TINAG: variants seen among roughly 807,000 people sequenced by gnomAD.
TINAG encodes tubulointerstitial nephritis antigen.
A neutral mutation model predicts 72.7 loss-of-function variants in TINAG; 83 were observed. The observed-to-expected ratio is 1.14, with a 90% CI of 0.96 to 1.37. TINAG has a LOEUF of 1.37. Ranked by LOEUF, TINAG falls within the 40% of genes most tolerant of loss-of-function variation. The pLI is 0.00. For missense variants in TINAG, 685 were observed against 576.6 expected, an observed-to-expected ratio of 1.19 and a Z score of -1.93; for synonymous variants, 234 against 189.9, an observed-to-expected ratio of 1.23 and a Z score of -1.91.
At chr6:54,348,191 G>C (rs1392128192) in intron 6 of TINAG, among the ~76,000 whole-genome samples, 1 of 152,018 alleles carries the variant, frequency 6.6e-6, no homozygotes, top group Non-Finnish European at 1.5e-5. Context: ...GTCTGCTATA[G>C]GACTAGTTAG....
At chr6:54,339,626 T>C (rs185614430) in intron 4 of TINAG, among the ~76,000 whole-genome samples, 1 of 152,226 alleles carries the variant, frequency 6.6e-6, no homozygotes, top group East Asian at 1.9e-4. Flanking sequence ...AAAAGATTAC[T>C]CTATTATAAA....
chr6:54,338,719 C>CAAAAA (rs57231980), intron 4 of TINAG, among the ~76,000 whole-genome samples: 9 of 56,952 alleles, frequency 1.6e-4, no homozygotes, highest in Admixed American at 2.1e-4. Flanking sequence ...GACTCTGTCT[C>CAAAAA]AAAAAAAAAA....
intron 4 of TINAG, among the ~76,000 whole-genome samples, chr6:54,337,856 T>A (rs1449884213): frequency 6.6e-6 from 1 of 152,180 alleles, no homozygotes. Context: ...GGGCCAGATG[T>A]TACGGTGGAG....
chr6:54,343,291 G>T lies in TINAG; in HGVS notation c.690G>T (p.Trp230Cys), dbSNP rs771178817. The change falls in exon 5 of 11, where the codon TGG becomes TGT. Residue 230 changes from tryptophan (W) to cysteine (C), a missense_variant. Coordinates refer to ENST00000259782, the MANE Select transcript of TINAG (RefSeq NM_014464.4). ...FFVASYKWPG[W>C]THGPLDQKNC... is the part of the protein sequence containing the mutation. Reference sequence around the variant, plus strand: ...TTGCTTCTTATAAATGGCCTGGATGGACTCATGGCCCATTGGATCAAAAAA... The same window carrying T: ...TTGCTTCTTATAAATGGCCTGGATGTACTCATGGCCCATTGGATCAAAAAA... 6.3e-7 allele frequency: 1 copy of T among 1,585,524 alleles called. No homozygotes were observed. Among genetic ancestry groups the T allele is most frequent in the East Asian group, 2.3e-5 (1 of 43,614 alleles).
At chr6:54,311,457 C>A (rs759546506) in intron 1 of TINAG, among the ~76,000 whole-genome samples, 20 of 152,130 alleles carry the variant, frequency 1.3e-4, no homozygotes, top group Non-Finnish European at 2.6e-4. Context: ...CTAAGTCTTG[C>A]CAGATGGCTC....
intron 8 of TINAG, 120 bp downstream of exon 8, chr6:54,351,517 A>C (rs1388044167): frequency 2.4e-6 from 2 of 843,626 alleles, no homozygotes; most frequent in Non-Finnish European, 3.6e-6. Context: ...GAGTATCCAA[A>C]AGGCTTCAAC....
rs1424518398 is a variant in TINAG, at chr6:54,389,788, C to A, written c.1297-3C>A. The A allele has an allele frequency of 1.3e-6, 2 of 1,571,508 alleles. No individual in the cohort carries two copies. Among genetic ancestry groups the A allele is most frequent in the South Asian group, 1.2e-5 (1 of 83,324 alleles). ...ACTTTTTTGTTTGTTTGTTTTTCTG[C>A]AGATTGCTGCCAATTCCTGGGGAAA... On this transcript the variant is annotated splice_polypyrimidine_tract_variant and splice_region_variant and intron_variant, in intron 10 of 10. Coordinates refer to ENST00000259782, the MANE Select transcript of TINAG (RefSeq NM_014464.4).
intron 4 of TINAG, among the ~76,000 whole-genome samples, chr6:54,339,376 G>A (rs1257415486): frequency 6.6e-6 from 1 of 152,122 alleles, no homozygotes; most frequent in African/African-American, 2.4e-5. Flanking sequence ...GGTTCAACAG[G>A]ACTGCTCTAT....
chr6:54,320,752 A>C, intron 2 of TINAG, 110 bp downstream of exon 2: 1 of 758,574 alleles, frequency 1.3e-6, no homozygotes, highest in Non-Finnish European at 2.1e-6. Flanking sequence ...TATAGGCAGA[A>C]TCATACATCA....
At chr6:54,370,702 G>A (rs1417902657) in intron 9 of TINAG, among the ~76,000 whole-genome samples, 1 of 152,034 alleles carries the variant, frequency 6.6e-6, no homozygotes, top group African/African-American at 2.4e-5. Flanking sequence ...GGGATCTTTT[G>A]AGCTGAACTC....
At chr6:54,368,149 T>C (rs1277756557) in intron 9 of TINAG, among the ~76,000 whole-genome samples, 1 of 151,026 alleles carries the variant, frequency 6.6e-6, no homozygotes, top group Non-Finnish European at 1.5e-5. Context: ...ATTTTATTTC[T>C]GATGGTTTTG....
intron 1 of TINAG, among the ~76,000 whole-genome samples, chr6:54,316,287 T>C (rs1784370998): frequency 1.3e-5 from 2 of 152,144 alleles, no homozygotes; most frequent in Admixed American, 1.3e-4. Context: ...AGCTATGGGA[T>C]ACAAGGGTGG....
At chr6:54,368,480 A>G (rs1425757498) in intron 9 of TINAG, among the ~76,000 whole-genome samples, 2 of 150,546 alleles carry the variant, frequency 1.3e-5, no homozygotes, top group Non-Finnish European at 3.0e-5. Context: ...TTTTCTTCAA[A>G]CTCTGAACTA....
chr6:54,378,924 T>G (rs1431999208), intron 9 of TINAG, among the ~76,000 whole-genome samples: 1 of 152,036 alleles, frequency 6.6e-6, no homozygotes, highest in Non-Finnish European at 1.5e-5. Flanking sequence ...ACATTATATT[T>G]TGTGTGTGTG....
intron 3 of TINAG, among the ~76,000 whole-genome samples, chr6:54,321,879 G>T (rs538524619): frequency 6.6e-6 from 1 of 152,160 alleles, no homozygotes; most frequent in Non-Finnish European, 1.5e-5. Context: ...TCAAAAGACA[G>T]ATTGAGCTAC....
intron 1 of TINAG, among the ~76,000 whole-genome samples, chr6:54,310,727 TTCTC>T (rs1238062098): frequency 6.9e-6 from 1 of 145,788 alleles, no homozygotes; most frequent in Non-Finnish European, 1.5e-5. Flanking sequence ...TCTTTCTTTT[TTCTC>T]TCTTTCTCTC....
intron 1 of TINAG, among the ~76,000 whole-genome samples, chr6:54,316,195 G>A (rs2150931719): frequency 6.6e-6 from 1 of 152,226 alleles, no homozygotes; most frequent in South Asian, 2.1e-4. Flanking sequence ...TACTTGGCTG[G>A]ACACAGTACA....
intron 7 of TINAG, among the ~76,000 whole-genome samples, chr6:54,351,099 T>TA (rs1785255014): frequency 6.6e-6 from 1 of 152,052 alleles, no homozygotes; most frequent in South Asian, 2.1e-4. Flanking sequence ...TGCTTTAACT[T>TA]ACATTGTTTC....
intron 1 of TINAG, among the ~76,000 whole-genome samples, chr6:54,310,905 C>CTT (rs1398610465): frequency 1.0e-4 from 6 of 58,400 alleles, no homozygotes; most frequent in Non-Finnish European, 2.0e-4. Context: ...CTCCCTCTTT[C>CTT]TCTTTCTCTC....
Sources: gnomAD v4.1 joint callset for allele counts (sites outside exome capture counted in the v4.1 genomes callset) on GRCh38, gnomAD v4.1.1 for gene constraint, MANE v1.5 for transcripts, NCBI Gene and HGNC (gene_info 2026-07-23, HGNC 2026-07-21) for gene names.